The following CLIC6 variants were observed in gnomAD, a reference collection of about 807,000 sequenced individuals.
CLIC6 encodes chloride intracellular channel protein 6.
In CLIC6, 39 loss-of-function variants were observed where a neutral mutation model predicts 49.2. That is an observed-to-expected ratio of 0.79 (90% confidence interval 0.61 to 1.04). The LOEUF (loss-of-function observed/expected upper bound fraction) is 1.04, where lower values mean the gene tolerates loss of function less well. CLIC6 is among the 50% of genes least tolerant of loss of function. The pLI is 0.00. For missense variants in CLIC6, 988 were observed against 993.1 expected, an observed-to-expected ratio of 0.99 and a Z score of 0.07; for synonymous variants, 446 against 433.4, an observed-to-expected ratio of 1.03 and a Z score of -0.36.
At chr21:34,675,544 A>G (rs1478666097) in intron 1 of CLIC6, among the ~76,000 whole-genome samples, 1 of 152,064 alleles carries the variant, frequency 6.6e-6, no homozygotes, top group Non-Finnish European at 1.5e-5. Context: ...ATTTTTTTTT[A>G]TTGTCTTAGA....
At position 34,670,336 on chromosome 21, in the gene CLIC6, G is replaced by T. The variant is rs950084298; in HGVS notation, c.948G>T (p.Gly316=). The T allele has an allele frequency of 2.8e-6, 4 of 1,451,368 alleles. No individual in the cohort carries two copies. Among genetic ancestry groups the T allele is most frequent in the Non-Finnish European group, 9.1e-7 (1 of 1,103,068 alleles). 89.9% of individuals were successfully genotyped at this position (1,451,368 alleles called of 1,614,324 possible). Residue 316 remains glycine, a synonymous_variant, in exon 1 of 6, where the codon GGG becomes GGT. Coordinates refer to ENST00000349499, the MANE Select transcript of CLIC6 (RefSeq NM_053277.3). ...CCGAGGCAATTGAGGTCGCAGCCGGGGAGAGTGCGGGGCGCAGCCCCGGTG... is the reference window on the plus strand; with the variant it reads ...CCGAGGCAATTGAGGTCGCAGCCGGTGAGAGTGCGGGGCGCAGCCCCGGTG... The part of the protein sequence containing the change: ...PQAEAIEVAA[G]ESAGRSPGEL...
chr21:34,670,195 C>T lies in CLIC6; in HGVS notation c.807C>T (p.Ser269=). 3 of 1,393,046 alleles carry T rather than the reference C, an allele frequency of 2.2e-6. No homozygotes were observed. The highest frequency in any genetic ancestry group is 2.8e-6 in the Non-Finnish European group (3 of 1,079,754). 86.3% of individuals were successfully genotyped at this position (1,393,046 alleles called of 1,614,324 possible). A position where few individuals can be genotyped will look rare whatever the true frequency, so the allele number is the denominator to read the frequency against. ...GVEAGVPAGD[S]VEAEGPAGDS... is the part of the protein sequence containing the mutation. Reference sequence around the variant, plus strand: ...AAGCGGGGGTCCCGGCGGGGGACAGCGTAGAAGCCGAAGGCCCGGCGGGGG... The same window carrying T: ...AAGCGGGGGTCCCGGCGGGGGACAGTGTAGAAGCCGAAGGCCCGGCGGGGG... Residue 269 remains serine, a synonymous_variant, in exon 1 of 6, where the codon AGC becomes AGT. Transcript: ENST00000349499.
rs139721788 is a variant in CLIC6, at chr21:34,673,121, G to A, written c.1374+2359G>A. 1.1e-3 allele frequency among the ~76,000 whole-genome samples: 169 copies of A among 152,274 alleles called. 2 individuals are homozygous for A. The highest frequency in any genetic ancestry group is 4.0e-3 in the African/African-American group (165 of 41,534). ...CAACTTGCTTCCTCAAATACTGCTT[G>A]GGAGGAGTTTGTGTGGGCAGAAGCA... On this transcript the variant is annotated intron_variant, in intron 1 of 5. Coordinates refer to ENST00000349499, the MANE Select transcript of CLIC6 (RefSeq NM_053277.3).
At chr21:34,677,693 A>T (rs181351974) in intron 1 of CLIC6, among the ~76,000 whole-genome samples, 2 of 152,210 alleles carry the variant, frequency 1.3e-5, no homozygotes, top group African/African-American at 4.8e-5. Context: ...TTCCTCCTTC[A>T]TCAGGGAGGA....
intron 1 of CLIC6, among the ~76,000 whole-genome samples, chr21:34,703,201 C>G (rs1203583852): frequency 6.6e-6 from 1 of 152,316 alleles, no homozygotes; most frequent in Admixed American, 6.5e-5. Flanking sequence ...TAAAATATTA[C>G]CGCTTTGTGG....
chr21:34,709,850 A>G (rs2056043828), intron 5 of CLIC6, among the ~76,000 whole-genome samples: 1 of 152,238 alleles, frequency 6.6e-6, no homozygotes. Flanking sequence ...GGTGTTAGCA[A>G]TTGAGAATTA....
At chr21:34,681,291 G>A (rs935509349) in intron 1 of CLIC6, among the ~76,000 whole-genome samples, 2 of 152,198 alleles carry the variant, frequency 1.3e-5, no homozygotes, top group African/African-American at 2.4e-5. Flanking sequence ...CACAAGAACA[G>A]CATGGGGGAA....
At chr21:34,708,927 T>A (rs1241031376) in intron 4 of CLIC6, 121 bp downstream of exon 4, 1 of 721,482 alleles carries the variant, frequency 1.4e-6, no homozygotes, top group African/African-American at 1.8e-5. Context: ...AGTCTGGAGC[T>A]ACAGAAAAAG....
At chr21:34,707,512 G>T in intron 2 of CLIC6, 123 bp downstream of exon 2, 1 of 709,080 alleles carries the variant, frequency 1.4e-6, no homozygotes, top group South Asian at 1.7e-5. Context: ...ATCCTCAGTC[G>T]GAGTCTGAAC....
chr21:34,708,372 A>C (rs1360680033), intron 3 of CLIC6, among the ~76,000 whole-genome samples: 1 of 152,134 alleles, frequency 6.6e-6, no homozygotes, highest in Non-Finnish European at 1.5e-5. Context: ...AGGAAGAAGT[A>C]TCATGGATTT....
At chr21:34,699,540 C>T (rs995924972) in intron 1 of CLIC6, among the ~76,000 whole-genome samples, 38 of 151,254 alleles carry the variant, frequency 2.5e-4, no homozygotes, top group African/African-American at 8.7e-4. Context: ...GCTGAGATTA[C>T]AGGTGTGAGC....
At chr21:34,671,050 A>G (rs903785884) in intron 1 of CLIC6, among the ~76,000 whole-genome samples, 3 of 149,534 alleles carry the variant, frequency 2.0e-5, no homozygotes, top group African/African-American at 4.9e-5. Flanking sequence ...TCAGCATCCC[A>G]CTGTCCTTTG....
In CLIC6 at chr21:34,670,314, A is replaced by G; in HGVS notation, c.926A>G (p.Glu309Gly). Residue 309 changes from glutamate (E) to glycine (G), a missense_variant, in exon 1 of 6, where the codon GAG becomes GGG. Physicochemically the swap from Glu to Gly is moderately conservative, Grantham distance 98. This residue lies in a region of CLIC6 where 647 missense variants were observed against 596.9 expected (regional missense o/e 1.08). Coordinates refer to ENST00000349499, the MANE Select transcript of CLIC6 (RefSeq NM_053277.3). ...GACGGCAGCCTCTCGCCCCAGGCCG[A>G]GGCAATTGAGGTCGCAGCCGGGGAG... ...SGDGSLSPQAEAIEVAAGESA... is the reference protein window; with the variant it reads ...SGDGSLSPQAGAIEVAAGESA... The G allele has an allele frequency of 6.9e-7, 1 of 1,444,340 alleles. No individual in the cohort carries two copies. The highest frequency in any genetic ancestry group is 1.5e-5 in the South Asian group (1 of 68,334). 89.5% of individuals were successfully genotyped at this position (1,444,340 alleles called of 1,614,324 possible).
Position 34,686,132 on chromosome 21 carries a change from G to A in CLIC6, c.1374+15370G>A, listed in dbSNP as rs146207876. 2.0e-3 allele frequency among the ~76,000 whole-genome samples: 307 copies of A among 152,312 alleles called. 1 individual carries two copies. The highest frequency in any genetic ancestry group is 7.1e-3 in the African/African-American group (294 of 41,560). ...AAGAACATATGCTTTGGCCGGGCAC[G>A]GTGGCTCACACCTGTAATCCCAGCA... On this transcript the variant is annotated intron_variant, in intron 1 of 5. Coordinates refer to ENST00000349499, the MANE Select transcript of CLIC6 (RefSeq NM_053277.3).
intron 1 of CLIC6, among the ~76,000 whole-genome samples, chr21:34,678,214 G>A (rs1018854440): frequency 2.0e-5 from 3 of 151,310 alleles, no homozygotes; most frequent in Non-Finnish European, 4.4e-5. Flanking sequence ...GGCAGATCAC[G>A]AGGTCAGGAG....
chr21:34,674,153 G>T (rs1285807255), intron 1 of CLIC6, among the ~76,000 whole-genome samples: 1 of 151,996 alleles, frequency 6.6e-6, no homozygotes, highest in African/African-American at 2.4e-5. Flanking sequence ...GTCTCACTAT[G>T]TTGCCCAGGC....
At chr21:34,707,210 T>C (rs917629134) in intron 1 of CLIC6, 70 bp from the exon 2 acceptor site, 1 of 1,125,852 alleles carries the variant, frequency 8.9e-7, no homozygotes, top group Non-Finnish European at 1.4e-6. Context: ...ATTTTGCATG[T>C]GCATGTTGTG....
Position 34,715,295 on chromosome 21 carries a change from C to A in CLIC6, c.1900-1026C>A, listed in dbSNP as rs946504581. On this transcript the variant is annotated intron_variant, in intron 5 of 5. Transcript: ENST00000349499. The stretch of plus-strand genomic sequence containing the variant: ...ATGTGACCTTATTTAAAAATAGGAT[C>A]TTTGCAGATGTAATTAGTTAAAATA... Among the ~76,000 whole-genome samples the A allele has an allele frequency of 3.3e-5, 5 of 152,312 alleles. No homozygotes were observed. The East Asian group carries it at 7.7e-4, about 24-fold the overall frequency.
rs1048116545 is a variant in CLIC6 at position 34,670,842 on chromosome 21, G to T, written c.1374+80G>T. 4 of 1,434,552 alleles carry T rather than the reference G, an allele frequency of 2.8e-6. No individual in the cohort carries two copies. The African/African-American group carries it at 4.3e-5, about 16-fold the overall frequency. The allele number at this position is 1,434,552 out of a possible 1,614,324, so 88.9% of individuals were successfully genotyped here. ...GTCATCTCAGATCCCAGAGGGACGCGCAGGGAGGAACCCTTGGTGGTATCC... is the reference window on the plus strand; with the variant it reads ...GTCATCTCAGATCCCAGAGGGACGCTCAGGGAGGAACCCTTGGTGGTATCC... On this transcript the variant is annotated intron_variant, in intron 1 of 5. Transcript: ENST00000349499.
Sources: gnomAD v4.1 joint callset for allele counts (sites outside exome capture counted in the v4.1 genomes callset) on GRCh38, gnomAD v4.1.1 for gene constraint, gnomAD v4.1.1 regional missense constraint, MANE v1.5 for transcripts, NCBI Gene and HGNC (gene_info 2026-07-23, HGNC 2026-07-21) for gene names.